Variants in ACER3 observed in about 807,000 individuals in gnomAD.
The protein encoded by ACER3 is alkaline ceramidase 3, also known as alkCDase 3.
In ACER3, 16 loss-of-function variants were observed where a neutral mutation model predicts 48.9. That is an observed-to-expected ratio of 0.33 (90% CI 0.22 to 0.50). ACER3 has a LOEUF of 0.50. Among genes scored for constraint, ACER3 ranks in the 20% least tolerant of loss-of-function variants. The pLI is 0.98. For synonymous variants in ACER3, 109 were observed against 107.8 expected (o/e 1.01, Z -0.07); for missense variants, 227 against 326.0 (o/e 0.70, Z 2.34).
chr11:76,899,833 G>C (rs535833956), intron 1 of ACER3, among the ~76,000 whole-genome samples: 1 of 152,112 alleles, frequency 6.6e-6, no homozygotes, highest in African/African-American at 2.4e-5. Flanking sequence ...AATAACATAG[G>C]GGTTGGGGTG....
chr11:76,942,708 A>G (rs1477657822), intron 2 of ACER3, among the ~76,000 whole-genome samples: 1 of 151,794 alleles, frequency 6.6e-6, no homozygotes, highest in African/African-American at 2.4e-5. Flanking sequence ...TGTAGAATTA[A>G]GAAGAATTCC....
chr11:76,990,592 A>AT lies in ACER3; in HGVS notation c.438+20dup, dbSNP rs761778891. On this transcript the variant is annotated intron_variant, in intron 6 of 10. Coordinates refer to ENST00000532485, the MANE Select transcript of ACER3 (RefSeq NM_018367.7). The stretch of plus-strand genomic sequence containing the variant: ...TCCATCAGGTAATTTTTTGTAAATT[A>AT]TTACACATTAGATTGTTTACGATAC... The AT allele has an allele frequency of 1.4e-6, 2 of 1,398,850 alleles. No homozygotes were observed. Among genetic ancestry groups the AT allele is most frequent in the Admixed American group, 3.4e-5 (2 of 58,280 alleles). The allele number at this position is 1,398,850 out of a possible 1,614,324, so 86.7% of individuals were successfully genotyped here.
Position 76,977,021 on chromosome 11 carries a change from G to A in ACER3, c.320+680G>A, listed in dbSNP as rs7931646. On this transcript the variant is annotated intron_variant, in intron 4 of 10. Transcript: ENST00000532485. ...TAGTAACATTAATAAATGCTAATATGTAACTGCTTTGTACTGTGCTAGGCA... is the reference window on the plus strand; with the variant it reads ...TAGTAACATTAATAAATGCTAATATATAACTGCTTTGTACTGTGCTAGGCA... 2.5e-4 allele frequency among the ~76,000 whole-genome samples: 38 copies of A among 152,206 alleles called. 1 individual carries two copies. The East Asian group carries it at 5.6e-3, about 22-fold the overall frequency.
chr11:76,978,874 A>T (rs1948512345), intron 4 of ACER3, among the ~76,000 whole-genome samples: 1 of 152,172 alleles, frequency 6.6e-6, no homozygotes, highest in South Asian at 2.1e-4. Context: ...ATCTGATCAA[A>T]CCGCAGGCTT....
intron 5 of ACER3, among the ~76,000 whole-genome samples, chr11:76,987,061 G>A (rs1002873413): frequency 1.3e-5 from 2 of 151,972 alleles, no homozygotes; most frequent in Non-Finnish European, 1.5e-5. Context: ...GTGAGACTCC[G>A]TCTCAAAAAG....
intron 7 of ACER3, among the ~76,000 whole-genome samples, chr11:77,002,871 T>C (rs900592181): frequency 1.3e-5 from 2 of 152,192 alleles, no homozygotes; most frequent in Non-Finnish European, 2.9e-5. Context: ...CGAGTCCATT[T>C]ATATGAGGTT....
At chr11:76,987,473 G>C (rs1174371740) in intron 5 of ACER3, among the ~76,000 whole-genome samples, 1 of 152,144 alleles carries the variant, frequency 6.6e-6, no homozygotes, top group Non-Finnish European at 1.5e-5. Context: ...ATGGGGTAGG[G>C]GTAGAGATAA....
chr11:76,969,202 C>T (rs1473338499), intron 3 of ACER3, among the ~76,000 whole-genome samples: 3 of 152,164 alleles, frequency 2.0e-5, no homozygotes, highest in Non-Finnish European at 4.4e-5. Flanking sequence ...AAATGCTCAT[C>T]GTCACTGGCC....
At chr11:76,990,682 G>A in intron 6 of ACER3, 108 bp downstream of exon 6, 2 of 727,338 alleles carry the variant, frequency 2.7e-6, no homozygotes, top group Non-Finnish European at 4.7e-6. Flanking sequence ...TTAATGAAAT[G>A]GTAGATGTTC....
intron 1 of ACER3, among the ~76,000 whole-genome samples, chr11:76,894,005 T>C (rs1945870640): frequency 6.6e-6 from 1 of 152,188 alleles, no homozygotes; most frequent in African/African-American, 2.4e-5. Context: ...AAAACTAAAT[T>C]ACCAGCCAGG....
intron 1 of ACER3, among the ~76,000 whole-genome samples, chr11:76,888,991 C>A (rs1344230293): frequency 6.6e-6 from 1 of 152,164 alleles, no homozygotes; most frequent in Non-Finnish European, 1.5e-5. Flanking sequence ...TACCCTGTAA[C>A]CAGGTCAATA....
intron 1 of ACER3, among the ~76,000 whole-genome samples, chr11:76,874,901 G>A (rs1252062431): frequency 6.6e-6 from 1 of 151,998 alleles, no homozygotes; most frequent in Admixed American, 6.6e-5. Context: ...TTATCTATAT[G>A]TCACATATCC....
Position 76,907,016 on chromosome 11 carries a change from G to A in ACER3, c.104-19541G>A, listed in dbSNP as rs184463891. Among the ~76,000 whole-genome samples, 229 of 151,946 alleles carry A rather than the reference G, an allele frequency of 1.5e-3. 2 individuals carry two copies. The highest frequency in any genetic ancestry group is 5.1e-3 in the African/African-American group (211 of 41,428). On this transcript the variant is annotated intron_variant, in intron 1 of 10. Coordinates refer to ENST00000532485, the MANE Select transcript of ACER3 (RefSeq NM_018367.7). ...CAGTTTCTTCAATTGAAAAAAAAGC[G>A]TCACGTTGTATAGCATCTGGTGCAA...
intron 7 of ACER3, among the ~76,000 whole-genome samples, chr11:77,012,005 G>C (rs1338931370): frequency 4.6e-5 from 7 of 151,406 alleles, no homozygotes; most frequent in African/African-American, 1.7e-4. Flanking sequence ...TAAAAATCAA[G>C]AATAAAACTA....
At chr11:76,938,096 C>T (rs540573837) in intron 2 of ACER3, among the ~76,000 whole-genome samples, 64 of 152,282 alleles carry the variant, frequency 4.2e-4, no homozygotes, top group African/African-American at 1.4e-3. Flanking sequence ...CTCTCTACAG[C>T]CTTGACCTCA....
At chr11:76,939,183 A>G (rs758041983) in intron 2 of ACER3, among the ~76,000 whole-genome samples, 18 of 152,244 alleles carry the variant, frequency 1.2e-4, no homozygotes, top group Non-Finnish European at 2.4e-4. Flanking sequence ...TGTAAACAGA[A>G]TGATAAAATA....
rs1949456917 is a variant in ACER3 at position 77,020,595 on chromosome 11, C to G, written c.*268C>G. ...ATGATGTGTGTGTATGCCTCAAATG[C>G]AGAAACAGTTGGGCTTTTCTTAACA... On this transcript the variant is annotated 3_prime_UTR_variant, in exon 11 of 11. Coordinates refer to ENST00000532485, the MANE Select transcript of ACER3 (RefSeq NM_018367.7). 1 of 378,722 alleles carries G rather than the reference C, an allele frequency of 2.6e-6. No individual in the cohort carries two copies. Among genetic ancestry groups the G allele is most frequent in the Non-Finnish European group, 4.8e-6 (1 of 208,538 alleles). The allele number at this position is 378,722 out of a possible 1,614,324, so 23.5% of individuals were successfully genotyped here.
intron 3 of ACER3, among the ~76,000 whole-genome samples, chr11:76,962,100 C>T (rs912078020): frequency 6.6e-6 from 1 of 150,640 alleles, no homozygotes; most frequent in African/African-American, 2.5e-5. Flanking sequence ...CTTAGGCTGG[C>T]ATGCAGTGGT....
At chr11:76,951,783 A>ACCG (rs1445853775) in intron 2 of ACER3, among the ~76,000 whole-genome samples, 5 of 152,180 alleles carry the variant, frequency 3.3e-5, no homozygotes, top group Non-Finnish European at 7.3e-5. Context: ...TGCCTTTATG[A>ACCG]ACCTTAGAAT....
Sources: gnomAD v4.1 joint callset for allele counts (sites outside exome capture counted in the v4.1 genomes callset) on GRCh38, gnomAD v4.1.1 for gene constraint, MANE v1.5 for transcripts, NCBI Gene and HGNC (gene_info 2026-07-23, HGNC 2026-07-21) for gene names.